The following NXNL2 variants were observed in gnomAD, a reference collection of about 807,000 sequenced individuals.
The protein encoded by NXNL2 is nucleoredoxin-like protein 2.
NXNL2 carries 7 observed loss-of-function variants against 11.1 expected under a neutral mutation model. The ratio of observed to expected loss-of-function variants is 0.63; its 90% CI spans 0.36 to 1.18. NXNL2 has a LOEUF of 1.18. NXNL2 is among the 50% of genes most tolerant of loss of function. The pLI is 0.02. For missense variants in NXNL2, 233 were observed against 217.7 expected (o/e 1.07, Z -0.44); for synonymous variants, 109 against 101.8 (o/e 1.07, Z -0.42).
intron 1 of NXNL2, among the ~76,000 whole-genome samples, chr9:88,560,330 G>T (rs1028764884): frequency 6.6e-6 from 1 of 151,556 alleles, no homozygotes; most frequent in African/African-American, 2.4e-5. Flanking sequence ...ACACAAACTG[G>T]CAAGCCACAG....
chr9:88,545,830 G>A (rs958363826), downstream of NXNL2, among the ~76,000 whole-genome samples: 5 of 151,718 alleles, frequency 3.3e-5, no homozygotes, highest in African/African-American at 9.7e-5. Flanking sequence ...GCAATGGCGC[G>A]GTCTCAGCTC....
At chr9:88,577,597 T>C (rs1020405144), downstream of NXNL2, among the ~76,000 whole-genome samples, 1 of 149,502 alleles carries the variant, frequency 6.7e-6, no homozygotes, top group African/African-American at 2.5e-5. Flanking sequence ...CACATGGCCT[T>C]TCCTCTGTGC....
At chr9:88,575,054 T>A in intron 2 of NXNL2, 2 of 786,478 alleles carry the variant, frequency 2.5e-6, no homozygotes, top group South Asian at 1.2e-4. Context: ...GATCTGGCAC[T>A]AAGCTCACCC....
intron 1 of NXNL2, among the ~76,000 whole-genome samples, chr9:88,555,017 C>T (rs954554501): frequency 2.0e-5 from 3 of 152,180 alleles, no homozygotes; most frequent in African/African-American, 7.2e-5. Flanking sequence ...GATTGACTGC[C>T]TCATTTATTG....
intron 1 of NXNL2, among the ~76,000 whole-genome samples, chr9:88,554,923 T>G (rs1829989810): frequency 6.6e-6 from 1 of 152,234 alleles, no homozygotes; most frequent in African/African-American, 2.4e-5. Flanking sequence ...CTTAACTCTC[T>G]TACTCACTGT....
intron 1 of NXNL2, among the ~76,000 whole-genome samples, chr9:88,551,440 T>C (rs1055248212): frequency 2.6e-5 from 4 of 152,190 alleles, no homozygotes; most frequent in Admixed American, 6.5e-5. Context: ...ATCATGATTT[T>C]AATACATATA....
chr9:88,562,957 ACACAC>A (rs1830105651), intron 1 of NXNL2, among the ~76,000 whole-genome samples: 1 of 151,126 alleles, frequency 6.6e-6, no homozygotes, highest in Non-Finnish European at 1.5e-5. Flanking sequence ...GCGTGGTGGC[ACACAC>A]CTGTAGTCCC....
At chr9:88,576,501 C>T (rs1233622063), downstream of NXNL2, among the ~76,000 whole-genome samples, 1 of 152,154 alleles carries the variant, frequency 6.6e-6, no homozygotes, top group Non-Finnish European at 1.5e-5. Context: ...GATAAAGTCT[C>T]CCAGGGGTGC....
chr9:88,563,259 C>T (rs1158714302), intron 1 of NXNL2, among the ~76,000 whole-genome samples: 1 of 152,216 alleles, frequency 6.6e-6, no homozygotes, highest in Non-Finnish European at 1.5e-5. Context: ...TGTGTACACA[C>T]ACACGTGTGT....
chr9:88,564,070 G>A (rs1475215239), intron 1 of NXNL2, among the ~76,000 whole-genome samples: 1 of 151,850 alleles, frequency 6.6e-6, no homozygotes, highest in African/African-American at 2.4e-5. Flanking sequence ...AATTAGCTGG[G>A]CGTGGTGGCA....
At chr9:88,562,010 AGTT>A (rs772695355) in intron 1 of NXNL2, among the ~76,000 whole-genome samples, 2 of 152,342 alleles carry the variant, frequency 1.3e-5, no homozygotes, top group African/African-American at 4.8e-5. Context: ...TAGCAGCACT[AGTT>A]GTAACAGGTG....
At chr9:88,578,240 C>T (rs1187483673), downstream of NXNL2, among the ~76,000 whole-genome samples, 1 of 152,156 alleles carries the variant, frequency 6.6e-6, no homozygotes, top group African/African-American at 2.4e-5. Flanking sequence ...GGCGAGGGTT[C>T]CCGGACCCCA....
intron 1 of NXNL2, among the ~76,000 whole-genome samples, chr9:88,583,435 T>G (rs182183847): frequency 6.6e-6 from 1 of 152,358 alleles, no homozygotes; most frequent in Admixed American, 6.5e-5. Flanking sequence ...TATTTGACGC[T>G]GCATGGTAAT....
chr9:88,576,737 C>T (rs1830352864), downstream of NXNL2, among the ~76,000 whole-genome samples: 1 of 152,176 alleles, frequency 6.6e-6, no homozygotes, highest in Non-Finnish European at 1.5e-5. Context: ...GCTTGTTTTC[C>T]TGGGACTATG....
chr9:88,563,951 C>T (rs778686607), intron 1 of NXNL2, among the ~76,000 whole-genome samples: 2 of 151,990 alleles, frequency 1.3e-5, no homozygotes, highest in African/African-American at 2.4e-5. Flanking sequence ...TGGTTCACAC[C>T]TGTAATCCTA....
chr9:88,546,201 A>C (rs971181865), downstream of NXNL2, among the ~76,000 whole-genome samples: 1 of 149,176 alleles, frequency 6.7e-6, no homozygotes, highest in Non-Finnish European at 1.5e-5. Flanking sequence ...CACACTTTTA[A>C]AAGGTAGAGA....
At chr9:88,583,836 G>A (rs1830434044) in intron 1 of NXNL2, among the ~76,000 whole-genome samples, 1 of 152,210 alleles carries the variant, frequency 6.6e-6, no homozygotes, top group Admixed American at 6.5e-5. Context: ...TCTCCACCAT[G>A]TGAGAACACA....
intron 1 of NXNL2, among the ~76,000 whole-genome samples, chr9:88,543,269 A>AC (rs1335037285): frequency 6.7e-6 from 1 of 149,194 alleles, no homozygotes; most frequent in Non-Finnish European, 1.5e-5. Flanking sequence ...TGGAATTTTA[A>AC]CTTTTTTTTT....
chr9:88,576,429 G>A (rs145032830), downstream of NXNL2, among the ~76,000 whole-genome samples: 113 of 152,240 alleles, frequency 7.4e-4, 1 homozygote, highest in African/African-American at 2.4e-3. Context: ...AGGTTTCCTC[G>A]TGATGTCCAA....
Sources: gnomAD v4.1 joint callset for allele counts (sites outside exome capture counted in the v4.1 genomes callset) on GRCh38, gnomAD v4.1.1 for gene constraint, MANE v1.5 for transcripts, NCBI Gene and HGNC (gene_info 2026-07-23, HGNC 2026-07-21) for gene names.